MAN2A1: variants seen among roughly 807,000 people sequenced by gnomAD.
MAN2A1 encodes the protein alpha-mannosidase 2.
Under a neutral mutation model 142.6 loss-of-function variants are expected in MAN2A1, and 76 were observed. The observed-to-expected ratio is 0.53, with a 90% CI of 0.44 to 0.65. The LOEUF (loss-of-function observed/expected upper bound fraction) is 0.65, where lower values mean the gene tolerates loss of function less well. Ranked by LOEUF, MAN2A1 falls within the 30% of genes least tolerant of loss-of-function variation. The probability of loss-of-function intolerance (pLI) is 0.00; values close to 1 mark genes in which losing one functional copy is unlikely to be tolerated. For missense variants in MAN2A1, 1,311 were observed against 1,365.1 expected (o/e 0.96, Z 0.62); for synonymous variants, 559 against 473.2 (o/e 1.18, Z -2.35).
intron 4 of MAN2A1, among the ~76,000 whole-genome samples, chr5:109,731,290 C>A (rs925318522): frequency 1.3e-5 from 2 of 150,506 alleles, no homozygotes; most frequent in East Asian, 3.9e-4. Context: ...AGCAATTGAC[C>A]AATCAATTTT....
At chr5:109,703,551 A>G (rs547981631) in intron 1 of MAN2A1, among the ~76,000 whole-genome samples, 1 of 152,334 alleles carries the variant, frequency 6.6e-6, no homozygotes, top group African/African-American at 2.4e-5. Flanking sequence ...AGTGCTAAGC[A>G]TAAGAATATA....
chr5:109,707,220 C>A (rs900308995), intron 1 of MAN2A1, among the ~76,000 whole-genome samples: 8 of 152,304 alleles, frequency 5.3e-5, no homozygotes, highest in Admixed American at 3.3e-4. Context: ...TTAGCTCTTT[C>A]CTTCCCATTC....
chr5:109,847,858 C>T, intron 19 of MAN2A1, 68 bp downstream of exon 19: 1 of 1,216,370 alleles, frequency 8.2e-7, no homozygotes. Flanking sequence ...GAAATTATGA[C>T]TTTCCACTTT....
chr5:109,799,197 CTAA>C (rs1452989142), intron 12 of MAN2A1, among the ~76,000 whole-genome samples: 1 of 152,160 alleles, frequency 6.6e-6, no homozygotes, highest in African/African-American at 2.4e-5. Context: ...AGGCACTTAA[CTAA>C]TATTAGCAAT....
At chr5:109,737,195 C>T (rs937266046) in intron 4 of MAN2A1, among the ~76,000 whole-genome samples, 8 of 147,772 alleles carry the variant, frequency 5.4e-5, no homozygotes, top group African/African-American at 1.0e-4. Context: ...CCAGTTCAAG[C>T]GGTTCTCCTC....
Position 109,736,099 on chromosome 5 carries a change from C to T in MAN2A1, c.707+6586C>T, listed in dbSNP as rs248751. Among the ~76,000 whole-genome samples, 59 of 151,970 alleles carry T rather than the reference C, an allele frequency of 3.9e-4. No individual in the cohort carries two copies. The South Asian group carries it at 5.2e-3, about 13-fold the overall frequency. On this transcript the variant is annotated intron_variant, in intron 4 of 21. Coordinates refer to ENST00000261483, the MANE Select transcript of MAN2A1 (RefSeq NM_002372.4). ...GACAAACTAGAATTCCAAAATATTA[C>T]GTAAAATACCTAGAGTTTTTACACT...
chr5:109,753,354 C>T lies in MAN2A1; in HGVS notation c.708-1975C>T, dbSNP rs1004398403. 2.5e-4 allele frequency among the ~76,000 whole-genome samples: 38 copies of T among 152,120 alleles called. 1 individual carries two copies. The highest frequency in any genetic ancestry group is 1.4e-3 in the Admixed American group (22 of 15,264). On this transcript the variant is annotated intron_variant, in intron 4 of 21. Coordinates refer to ENST00000261483, the MANE Select transcript of MAN2A1 (RefSeq NM_002372.4). Reference sequence around the variant, plus strand: ...TGACAGTAAAGGTGGGACCGGTAGCCTTGAATTTAGTTGTGTTCTTAAAGA... The same window carrying T: ...TGACAGTAAAGGTGGGACCGGTAGCTTTGAATTTAGTTGTGTTCTTAAAGA...
At chr5:109,789,567 G>T in intron 12 of MAN2A1, 40 bp downstream of exon 12, 1 of 1,388,776 alleles carries the variant, frequency 7.2e-7, no homozygotes, top group East Asian at 2.5e-5. Context: ...CCACTTTCTG[G>T]CTTAATAGTT....
chr5:109,709,554 A>T (rs1751237371), intron 1 of MAN2A1, among the ~76,000 whole-genome samples: 1 of 152,194 alleles, frequency 6.6e-6, no homozygotes. Flanking sequence ...GTAGTGTCCT[A>T]TTTGAGGCAA....
intron 12 of MAN2A1, among the ~76,000 whole-genome samples, chr5:109,798,388 G>C (rs1396647296): frequency 6.6e-6 from 1 of 152,148 alleles, no homozygotes; most frequent in East Asian, 1.9e-4. Flanking sequence ...CTAAGTTCTA[G>C]ACCCACTGGC....
chr5:109,745,488 T>C (rs1356404407), intron 4 of MAN2A1, among the ~76,000 whole-genome samples: 2 of 152,196 alleles, frequency 1.3e-5, no homozygotes, highest in African/African-American at 4.8e-5. Flanking sequence ...TTTCAACTTA[T>C]TTTGAATGAG....
intron 4 of MAN2A1, among the ~76,000 whole-genome samples, chr5:109,754,985 GA>G (rs1453429465): frequency 1.3e-5 from 2 of 152,168 alleles, no homozygotes; most frequent in African/African-American, 4.8e-5. Flanking sequence ...TGGGCAACAA[GA>G]GTGAAACTCT....
Position 109,690,376 on chromosome 5 carries a change from T to G in MAN2A1, c.-42T>G, listed in dbSNP as rs754734806. Reference sequence around the variant, plus strand: ...TAGAGTCCACAGTGCGCTGTCTCCTTTGGCTGAGGAGAGTGTCCTGGCCCC... The same window carrying G: ...TAGAGTCCACAGTGCGCTGTCTCCTGTGGCTGAGGAGAGTGTCCTGGCCCC... On this transcript the variant is annotated 5_prime_UTR_variant, in exon 1 of 22. Transcript: ENST00000261483. 6.2e-7 allele frequency: 1 copy of G among 1,611,006 alleles called. No homozygotes were observed. Among genetic ancestry groups the G allele is most frequent in the East Asian group, 2.2e-5 (1 of 44,826 alleles).
At chr5:109,765,453 T>C (rs1205179497) in intron 5 of MAN2A1, among the ~76,000 whole-genome samples, 1 of 152,186 alleles carries the variant, frequency 6.6e-6, no homozygotes, top group East Asian at 1.9e-4. Flanking sequence ...CACTGCATCA[T>C]ATCAGGAGGC....
chr5:109,790,204 C>T (rs1213944362), intron 12 of MAN2A1, among the ~76,000 whole-genome samples: 1 of 151,788 alleles, frequency 6.6e-6, no homozygotes, highest in Non-Finnish European at 1.5e-5. Context: ...TGTAATATAA[C>T]CTTTAACTGT....
At position 109,781,530 on chromosome 5, in the gene MAN2A1, C is replaced by T. The variant is rs750524646; in HGVS notation, c.1509C>T (p.Tyr503=). Residue 503 remains tyrosine, a synonymous_variant, in exon 9 of 22, where the codon TAC becomes TAT. Coordinates refer to ENST00000261483, the MANE Select transcript of MAN2A1 (RefSeq NM_002372.4). Reference sequence around the variant, plus strand: ...CTTATGCCGATCGAGATGATCATTACTGGAGTGGCTATTTTACATCCAGAC... The same window carrying T: ...CTTATGCCGATCGAGATGATCATTATTGGAGTGGCTATTTTACATCCAGAC... ...FFTYADRDDH[Y]WSGYFTSRPF... is the part of the protein sequence containing the mutation. The T allele has an allele frequency of 1.9e-6, 3 of 1,613,006 alleles. No homozygotes were observed. The highest frequency in any genetic ancestry group is 2.2e-5 in the East Asian group (1 of 44,784).
At chr5:109,782,106 T>A (rs953403967) in intron 9 of MAN2A1, among the ~76,000 whole-genome samples, 4 of 152,186 alleles carry the variant, frequency 2.6e-5, no homozygotes, top group Admixed American at 6.6e-5. Flanking sequence ...TACATACTTA[T>A]TTGAAGCACA....
chr5:109,781,541 A>G lies in MAN2A1; in HGVS notation c.1520A>G (p.Tyr507Cys), dbSNP rs752374726. ...ADRDDHYWSGYFTSRPFYKRM... is the reference protein window; with the variant it reads ...ADRDDHYWSGCFTSRPFYKRM... ...CGAGATGATCATTACTGGAGTGGCT[A>G]TTTTACATCCAGACCCTTTTACAAA... Residue 507 changes from tyrosine to cysteine, a missense_variant, in exon 9 of 22, where the codon TAT becomes TGT. Physicochemically the swap from Tyr to Cys is radical, Grantham distance 194. This residue lies in a region of MAN2A1 where 890 missense variants were observed against 920.5 expected (regional missense o/e 0.97). Coordinates refer to ENST00000261483, the MANE Select transcript of MAN2A1 (RefSeq NM_002372.4). 4.3e-6 allele frequency: 7 copies of G among 1,612,640 alleles called. No homozygotes were observed. Among genetic ancestry groups the G allele is most frequent in the Admixed American group, 3.4e-5 (2 of 59,652 alleles).
chr5:109,706,127 A>G (rs1266541400), intron 1 of MAN2A1, among the ~76,000 whole-genome samples: 1 of 152,122 alleles, frequency 6.6e-6, no homozygotes, highest in Non-Finnish European at 1.5e-5. Flanking sequence ...ATACTAACTA[A>G]TCCTCATAAC....
Sources: allele counts gnomAD v4.1 joint callset (sites outside exome capture counted in the v4.1 genomes callset), GRCh38; gene constraint gnomAD v4.1.1; regional missense constraint gnomAD v4.1.1; transcripts MANE v1.5; gene names NCBI Gene and HGNC (gene_info 2026-07-23, HGNC 2026-07-21).